RBFOX1: variants seen among roughly 807,000 people sequenced by gnomAD.
RBFOX1 encodes the protein RNA binding fox-1 homolog 1.
A neutral mutation model predicts 57.7 loss-of-function variants in RBFOX1; 8 were observed. The observed-to-expected ratio is 0.14, with a 90% CI of 0.08 to 0.25. The LOEUF (loss-of-function observed/expected upper bound fraction) is 0.25. Ranked by LOEUF, RBFOX1 falls within the 10% of genes least tolerant of loss-of-function variation. RBFOX1 has a pLI of 1.00. For synonymous variants in RBFOX1, 326 were observed against 222.4 expected (o/e 1.47, Z -4.15); for missense variants, 611 against 548.5 (o/e 1.11, Z -1.14).
At chr16:6,234,303 C>G (rs925438961) in intron 1 of RBFOX1, among the ~76,000 whole-genome samples, 3 of 152,156 alleles carry the variant, frequency 2.0e-5, no homozygotes, top group African/African-American at 7.2e-5. Context: ...TATCGAAAAG[C>G]AAGTATCTCT....
intron 3 of RBFOX1, among the ~76,000 whole-genome samples, chr16:6,678,926 G>A (rs1474897632): frequency 6.6e-6 from 1 of 152,150 alleles, no homozygotes; most frequent in African/African-American, 2.4e-5. Context: ...ATTTGGGGTG[G>A]CACATGGATG....
chr16:6,067,219 A>G (rs932866969), intron 1 of RBFOX1, among the ~76,000 whole-genome samples: 1 of 152,200 alleles, frequency 6.6e-6, no homozygotes, highest in African/African-American at 2.4e-5. Flanking sequence ...CCTACAGGGC[A>G]TGCAGGCCAA....
chr16:7,490,096 C>G (rs2066528386), intron 4 of RBFOX1, among the ~76,000 whole-genome samples: 1 of 152,170 alleles, frequency 6.6e-6, no homozygotes. Flanking sequence ...TAGTGAACAT[C>G]TTTGCCATGT....
At chr16:6,742,699 C>G (rs2072560533) in intron 3 of RBFOX1, among the ~76,000 whole-genome samples, 1 of 152,134 alleles carries the variant, frequency 6.6e-6, no homozygotes, top group African/African-American at 2.4e-5. Flanking sequence ...TGATGAATCT[C>G]AAGGGCACAA....
chr16:6,907,604 C>G (rs1327715227), intron 3 of RBFOX1, among the ~76,000 whole-genome samples: 3 of 152,140 alleles, frequency 2.0e-5, no homozygotes, highest in Non-Finnish European at 4.4e-5. Flanking sequence ...GAGTCTCACT[C>G]TGGTTGCCCA....
chr16:7,362,744 G>A lies in RBFOX1; in HGVS notation c.28-155403G>A, dbSNP rs1028286333. ...GTGCATGTTCTTGTATATATGTTTT[G>A]GGTGTATGTTAGTGTATGTTTCTGT... On this transcript the variant is annotated intron_variant, in intron 4 of 15. Coordinates refer to ENST00000550418, the MANE Select transcript of RBFOX1 (RefSeq NM_018723.4). 2.0e-5 allele frequency among the ~76,000 whole-genome samples: 3 copies of A among 152,042 alleles called. No individual in the cohort carries two copies. In the East Asian group the frequency reaches 5.8e-4, roughly 29 times the overall value.
chr16:7,642,290 T>C (rs74011943), intron 11 of RBFOX1, among the ~76,000 whole-genome samples: 12,246 of 152,122 alleles, frequency 0.081, 1,024 homozygotes, highest in African/African-American at 0.21. Flanking sequence ...CAGGTTGGCT[T>C]TGGGCATTGA....
At chr16:7,272,560 A>G (rs1009413436) in intron 4 of RBFOX1, among the ~76,000 whole-genome samples, 8 of 152,174 alleles carry the variant, frequency 5.3e-5, no homozygotes, top group East Asian at 3.9e-4. Context: ...TTTATAGGCA[A>G]CTATCACTTG....
intron 3 of RBFOX1, among the ~76,000 whole-genome samples, chr16:5,761,239 C>G (rs1386858275): frequency 6.6e-6 from 1 of 152,196 alleles, no homozygotes; most frequent in East Asian, 1.9e-4. Context: ...ATTAAGGTGA[C>G]TTCTGAAGAG....
chr16:6,768,256 C>T (rs1194544177), intron 3 of RBFOX1, among the ~76,000 whole-genome samples: 1 of 151,952 alleles, frequency 6.6e-6, no homozygotes. Flanking sequence ...ACTCCATATA[C>T]TTTTTTTTCC....
chr16:5,249,526 G>A (rs2062391897), intron 1 of RBFOX1, among the ~76,000 whole-genome samples: 1 of 152,252 alleles, frequency 6.6e-6, no homozygotes, highest in Admixed American at 6.5e-5. Context: ...TTGTCCTGAT[G>A]TGGGGGTAAG....
chr16:5,604,888 G>A (rs1402375642), downstream of RBFOX1, among the ~76,000 whole-genome samples: 2 of 152,132 alleles, frequency 1.3e-5, no homozygotes, highest in East Asian at 1.9e-4. Flanking sequence ...TGTCACCTCT[G>A]TAGGACGTCC....
intron 1 of RBFOX1, among the ~76,000 whole-genome samples, chr16:5,299,119 C>G (rs1032268296): frequency 1.3e-5 from 2 of 151,254 alleles, no homozygotes; most frequent in Non-Finnish European, 2.9e-5. Context: ...ACTGTTCTAA[C>G]AATTTCCATC....
At chr16:6,105,149 C>A (rs908940058) in intron 1 of RBFOX1, among the ~76,000 whole-genome samples, 1 of 152,212 alleles carries the variant, frequency 6.6e-6, no homozygotes, top group Admixed American at 6.5e-5. Flanking sequence ...TCCTCTCTCA[C>A]CTGAATCTTG....
intron 3 of RBFOX1, among the ~76,000 whole-genome samples, chr16:6,996,875 C>A (rs1302803019): frequency 6.6e-6 from 1 of 152,068 alleles, no homozygotes; most frequent in East Asian, 1.9e-4. Flanking sequence ...AATAACACAT[C>A]TGTAGTCACA....
chr16:7,114,641 T>C (rs1899576898), intron 4 of RBFOX1, among the ~76,000 whole-genome samples: 1 of 152,202 alleles, frequency 6.6e-6, no homozygotes, highest in African/African-American at 2.4e-5. Context: ...CTTTTCTTCC[T>C]GGGCTGAGAA....
chr16:6,976,701 A>G (rs2086949259), intron 3 of RBFOX1, among the ~76,000 whole-genome samples: 1 of 148,380 alleles, frequency 6.7e-6, no homozygotes, highest in Non-Finnish European at 1.5e-5. Context: ...TAGCATACAT[A>G]TCATATAGCA....
chr16:5,773,619 T>C (rs2054049588), intron 3 of RBFOX1, among the ~76,000 whole-genome samples: 1 of 152,244 alleles, frequency 6.6e-6, no homozygotes, highest in African/African-American at 2.4e-5. Context: ...GCAATATCTA[T>C]TTTTATGCAC....
chr16:6,807,078 C>A (rs1249787488), intron 3 of RBFOX1, among the ~76,000 whole-genome samples: 2 of 151,688 alleles, frequency 1.3e-5, no homozygotes, highest in Non-Finnish European at 2.9e-5. Flanking sequence ...AAGTAGTATG[C>A]CTGCTTCAGC....
Sources: allele counts gnomAD v4.1 joint callset (sites outside exome capture counted in the v4.1 genomes callset), GRCh38; gene constraint gnomAD v4.1.1; transcripts MANE v1.5; gene names NCBI Gene and HGNC (gene_info 2026-07-23, HGNC 2026-07-21).